Variants in NEMP2 observed in about 807,000 individuals in gnomAD.
NEMP2 encodes nuclear envelope integral membrane protein 2.
In NEMP2, 53 loss-of-function variants were observed where a neutral mutation model predicts 54.2. That is an observed-to-expected ratio of 0.98 (90% CI 0.78 to 1.23). The LOEUF is 1.23. Ranked by LOEUF, NEMP2 falls within the 50% of genes most tolerant of loss-of-function variation. NEMP2 has a pLI of 0.00. For missense variants in NEMP2, 455 were observed against 511.3 expected, an observed-to-expected ratio of 0.89 and a Z score of 1.06; for synonymous variants, 197 against 190.3, an observed-to-expected ratio of 1.04 and a Z score of -0.29.
the NEMP2 span, among the ~76,000 whole-genome samples, chr2:190,606,859 A>G: frequency 6.6e-6 from 1 of 152,230 alleles, no homozygotes; most frequent in Non-Finnish European, 1.5e-5. Flanking sequence ...ATTTACTTTA[A>G]GAATTTCTAT....
chr2:190,631,399 A>C, the NEMP2 span, among the ~76,000 whole-genome samples: 11 of 152,236 alleles, frequency 7.2e-5, no homozygotes, highest in Non-Finnish European at 1.5e-4. Context: ...GGTCAAGGAA[A>C]CAAACCTTAG....
chr2:190,506,427 T>A lies in NEMP2; in HGVS notation c.*2762A>T, dbSNP rs1489287508. ...AGCATAATGTAAGAGAGCATTTCTT[T>A]AGTTGACATCATTTCAGGATCTTAA... On this transcript the variant is annotated 3_prime_UTR_variant, in exon 9 of 9. Transcript: ENST00000409150. This position sits in a 1 kb window ranked among gnomAD's most constrained non-coding sequence, Gnocchi z 6.3. 2.0e-5 allele frequency: 3 copies of A among 152,252 alleles called. No homozygotes were observed. The highest frequency in any genetic ancestry group is 7.2e-5 in the African/African-American group (3 of 41,466). The allele number at this position is 152,252 out of a possible 1,614,324, so 9.4% of individuals were successfully genotyped here. A position where few individuals can be genotyped will look rare whatever the true frequency, so the allele number is the denominator to read the frequency against.
chr2:190,552,446 T>C, the NEMP2 span, among the ~76,000 whole-genome samples: 1 of 152,182 alleles, frequency 6.6e-6, no homozygotes, highest in East Asian at 1.9e-4. Context: ...AATATTCTCT[T>C]CTTTGGCTGG....
chr2:190,433,133 T>C, the NEMP2 span, among the ~76,000 whole-genome samples: 3 of 152,206 alleles, frequency 2.0e-5, no homozygotes, highest in Non-Finnish European at 4.4e-5. The surrounding 1 kb of genome is among the most constrained non-coding windows in gnomAD (Gnocchi z 4.5). Flanking sequence ...TGTTTGGGTG[T>C]GTGTGTGTTT....
the NEMP2 span, among the ~76,000 whole-genome samples, chr2:190,612,708 T>C: frequency 6.6e-6 from 1 of 152,186 alleles, no homozygotes; most frequent in East Asian, 1.9e-4. Flanking sequence ...TTAGACCAAA[T>C]GTTTACATTT....
the NEMP2 span, among the ~76,000 whole-genome samples, chr2:190,570,545 C>T: frequency 2.6e-5 from 4 of 152,312 alleles, no homozygotes; most frequent in East Asian, 1.9e-4. This position sits in a 1 kb window ranked among gnomAD's most constrained non-coding sequence, Gnocchi z 5.4. Context: ...GCCTCCTCCT[C>T]GGAGCTGGGA....
At chr2:190,636,484 G>A in the NEMP2 span, among the ~76,000 whole-genome samples, 2 of 152,168 alleles carry the variant, frequency 1.3e-5, no homozygotes. Context: ...ATATCCCTCT[G>A]ATTATACAGG....
At chr2:190,563,189 C>T in the NEMP2 span, among the ~76,000 whole-genome samples, 1 of 152,162 alleles carries the variant, frequency 6.6e-6, no homozygotes, top group Non-Finnish European at 1.5e-5. This position sits in a 1 kb window ranked among gnomAD's most constrained non-coding sequence, Gnocchi z 4.3. Flanking sequence ...TGGCTTTGTG[C>T]TGTGTTCTCC....
At chr2:190,499,161 C>G in the NEMP2 span, among the ~76,000 whole-genome samples, 1 of 151,798 alleles carries the variant, frequency 6.6e-6, no homozygotes, top group Non-Finnish European at 1.5e-5. The surrounding 1 kb of genome is among the most constrained non-coding windows in gnomAD (Gnocchi z 6.0). Context: ...ATTATAATAA[C>G]AATAATAAAT....
In NEMP2 at chr2:190,510,277, C is replaced by T; in HGVS notation, c.1130+84G>A. On this transcript the variant is annotated intron_variant, in intron 8 of 8. Transcript: ENST00000409150. This position sits in a 1 kb window ranked among gnomAD's most constrained non-coding sequence, Gnocchi z 5.7. Reference sequence around the variant, plus strand: ...TCCAGGGAAACAGTCTATTTCTACCCTGAAGTGCCTGTACCAAACCATCAT... The same window carrying T: ...TCCAGGGAAACAGTCTATTTCTACCTTGAAGTGCCTGTACCAAACCATCAT... The T allele has an allele frequency of 1.4e-6, 2 of 1,466,210 alleles. No individual in the cohort carries two copies. The highest frequency in any genetic ancestry group is 1.8e-6 in the Non-Finnish European group (2 of 1,084,270). The allele number at this position is 1,466,210 out of a possible 1,614,324, so 90.8% of individuals were successfully genotyped here.
chr2:190,470,301 A>T, the NEMP2 span, among the ~76,000 whole-genome samples: 2 of 152,208 alleles, frequency 1.3e-5, no homozygotes, highest in African/African-American at 4.8e-5. Flanking sequence ...CTTATAACTA[A>T]AGTTTTATAG....
the NEMP2 span, among the ~76,000 whole-genome samples, chr2:190,463,118 A>G: frequency 1.3e-5 from 2 of 152,242 alleles, no homozygotes; most frequent in African/African-American, 2.4e-5. This position sits in a 1 kb window ranked among gnomAD's most constrained non-coding sequence, Gnocchi z 4.4. Flanking sequence ...TCTGCTAGTG[A>G]GGGACACAGA....
the NEMP2 span, among the ~76,000 whole-genome samples, chr2:190,544,716 T>A: frequency 6.6e-6 from 1 of 151,980 alleles, no homozygotes; most frequent in Non-Finnish European, 1.5e-5. Context: ...AAAAGCAAAG[T>A]TGAACAAATA....
At chr2:190,436,386 C>T in the NEMP2 span, 2 of 1,614,100 alleles carry the variant, frequency 1.2e-6, no homozygotes, top group Non-Finnish European at 1.7e-6. This position sits in a 1 kb window ranked among gnomAD's most constrained non-coding sequence, Gnocchi z 5.3. Flanking sequence ...GCAGTGCCCC[C>T]TTTTGGGGTG....
At position 190,504,417 on chromosome 2, in the gene NEMP2, T is replaced by C. The variant is rs1433789895; in HGVS notation, c.*4772A>G. On this transcript the variant is annotated 3_prime_UTR_variant, in exon 9 of 9. Coordinates refer to ENST00000409150, the MANE Select transcript of NEMP2 (RefSeq NM_001142645.2). The surrounding 1 kb of genome is among the most constrained non-coding windows in gnomAD (Gnocchi z 5.6). ...AATCTACAGTGCCATACTATACATA[T>C]TTACCTATATCTAGTAAGCTGTACA... The C allele has an allele frequency of 6.6e-6, 1 of 152,068 alleles. No homozygotes were observed. The highest frequency in any genetic ancestry group is 1.5e-5 in the Non-Finnish European group (1 of 68,030). The allele number at this position is 152,068 out of a possible 1,614,324, so 9.4% of individuals were successfully genotyped here. A position where few individuals can be genotyped will look rare whatever the true frequency, so the allele number is the denominator to read the frequency against.
the NEMP2 span, among the ~76,000 whole-genome samples, chr2:190,457,447 G>T: frequency 6.6e-6 from 1 of 152,100 alleles, no homozygotes; most frequent in Non-Finnish European, 1.5e-5. The surrounding 1 kb of genome is among the most constrained non-coding windows in gnomAD (Gnocchi z 5.1). Context: ...CGTGTTTTTT[G>T]CTGACAAGTC....
At chr2:190,494,465 T>C in the NEMP2 span, among the ~76,000 whole-genome samples, 6 of 152,102 alleles carry the variant, frequency 3.9e-5, no homozygotes, top group East Asian at 9.7e-4. This position sits in a 1 kb window ranked among gnomAD's most constrained non-coding sequence, Gnocchi z 5.7. Flanking sequence ...TTCCACAAGA[T>C]AGAGAAAGAG....
the NEMP2 span, among the ~76,000 whole-genome samples, chr2:190,630,374 C>A: frequency 6.6e-6 from 1 of 152,078 alleles, no homozygotes; most frequent in Non-Finnish European, 1.5e-5. This position sits in a 1 kb window ranked among gnomAD's most constrained non-coding sequence, Gnocchi z 5.5. Context: ...AGCACCACCA[C>A]GCCCAGCTAA....
chr2:190,430,588 G>A, the NEMP2 span, among the ~76,000 whole-genome samples: 6 of 152,062 alleles, frequency 3.9e-5, no homozygotes, highest in African/African-American at 1.4e-4. Flanking sequence ...AAAATGAAAA[G>A]TCTCCCATGT....
Sources: gnomAD v4.1 joint callset for allele counts (sites outside exome capture counted in the v4.1 genomes callset) on GRCh38, gnomAD v4.1.1 for gene constraint, Gnocchi (gnomAD v3.1) non-coding constraint, MANE v1.5 for transcripts, NCBI Gene and HGNC (gene_info 2026-07-23, HGNC 2026-07-21) for gene names.